The following CFAP96 variants were observed in gnomAD, a reference collection of about 807,000 sequenced individuals.
CFAP96 encodes the protein cilia and flagella associated protein 96.
the CFAP96 span, among the ~76,000 whole-genome samples, chr4:185,421,574 T>C: frequency 6.6e-6 from 1 of 152,290 alleles, no homozygotes; most frequent in Non-Finnish European, 1.5e-5. Flanking sequence ...CTCCTTTGCC[T>C]TCCACCATGA....
chr4:185,418,793 GAAGTT>G, the CFAP96 span: 10 of 1,551,314 alleles, frequency 6.4e-6, no homozygotes, highest in South Asian at 7.5e-5. Flanking sequence ...AATATAAATA[GAAGTT>G]AAGAAAAACA....
chr4:185,446,933 A>C, the CFAP96 span, among the ~76,000 whole-genome samples: 1 of 152,130 alleles, frequency 6.6e-6, no homozygotes, highest in South Asian at 2.1e-4. Flanking sequence ...ATTTTCATGC[A>C]TCTTTTTTTT....
chr4:185,425,092 G>C, the CFAP96 span, among the ~76,000 whole-genome samples: 1 of 152,214 alleles, frequency 6.6e-6, no homozygotes, highest in African/African-American at 2.4e-5. Flanking sequence ...TGGCGACAGT[G>C]ACAACAGACA....
At chr4:185,408,995 AT>A in the CFAP96 span, among the ~76,000 whole-genome samples, 1 of 152,190 alleles carries the variant, frequency 6.6e-6, no homozygotes, top group Non-Finnish European at 1.5e-5. Context: ...CATTTAAAAA[AT>A]ATCTGCCTAC....
chr4:185,449,522 TAAA>T, the CFAP96 span: 12 of 826,982 alleles, frequency 1.5e-5, no homozygotes, highest in South Asian at 5.5e-5. Context: ...GACCCGGTCT[TAAA>T]AAAAAAAAAG....
At chr4:185,428,910 A>G in the CFAP96 span, among the ~76,000 whole-genome samples, 1 of 152,224 alleles carries the variant, frequency 6.6e-6, no homozygotes, top group Non-Finnish European at 1.5e-5. Flanking sequence ...TATTTTCAAC[A>G]TAAGGGACAA....
At chr4:185,422,496 G>A in the CFAP96 span, 1 of 1,611,116 alleles carries the variant, frequency 6.2e-7, no homozygotes. Flanking sequence ...ATTAGGAGTA[G>A]CTAGCTGAAA....
At chr4:185,435,234 C>T in the CFAP96 span, among the ~76,000 whole-genome samples, 1 of 152,162 alleles carries the variant, frequency 6.6e-6, no homozygotes, top group Non-Finnish European at 1.5e-5. Flanking sequence ...ATATGCTTTC[C>T]TACCATTTGT....
the CFAP96 span, among the ~76,000 whole-genome samples, chr4:185,436,743 A>AATAATAATAATT: frequency 6.7e-6 from 1 of 148,662 alleles, no homozygotes; most frequent in Non-Finnish European, 1.5e-5. Context: ...TAATAATAAT[A>AATAATAATAATT]ATTCACTTGA....
chr4:185,436,010 C>T, the CFAP96 span: 8 of 1,459,932 alleles, frequency 5.5e-6, no homozygotes, highest in East Asian at 5.1e-5. Flanking sequence ...CCATTTTAAC[C>T]TCCTTCTTTT....
At chr4:185,422,727 C>CTTTAA in the CFAP96 span, among the ~76,000 whole-genome samples, 1 of 152,168 alleles carries the variant, frequency 6.6e-6, no homozygotes, top group Non-Finnish European at 1.5e-5. Context: ...AAAACAAAAG[C>CTTTAA]AACCCCAAAA....
At chr4:185,424,317 A>G in the CFAP96 span, among the ~76,000 whole-genome samples, 1 of 152,126 alleles carries the variant, frequency 6.6e-6, no homozygotes, top group Non-Finnish European at 1.5e-5. Context: ...AAAAAACAAA[A>G]TAAAATAAAA....
chr4:185,436,932 C>G, the CFAP96 span, among the ~76,000 whole-genome samples: 1 of 152,100 alleles, frequency 6.6e-6, no homozygotes, highest in Non-Finnish European at 1.5e-5. Context: ...TTTTACATCT[C>G]TGTAAACTAG....
the CFAP96 span, among the ~76,000 whole-genome samples, chr4:185,439,419 T>C: frequency 6.6e-6 from 1 of 152,190 alleles, no homozygotes; most frequent in Non-Finnish European, 1.5e-5. Context: ...CTGAAAGTGC[T>C]ACAGCAGGTT....
the CFAP96 span, chr4:185,422,379 C>A: frequency 1.2e-6 from 1 of 824,592 alleles, no homozygotes; most frequent in Non-Finnish European, 2.0e-6. Flanking sequence ...ACAATATAAT[C>A]TTAGTTCATC....
the CFAP96 span, chr4:185,440,403 A>G: frequency 1.7e-6 from 1 of 574,098 alleles, no homozygotes; most frequent in Non-Finnish European, 3.0e-6. Context: ...AACATAGTAA[A>G]TTAATGTTTT....
chr4:185,421,609 G>A, the CFAP96 span, among the ~76,000 whole-genome samples: 1 of 152,192 alleles, frequency 6.6e-6, no homozygotes, highest in Non-Finnish European at 1.5e-5. Context: ...AGCCTCACCA[G>A]CAGCAGATGC....
chr4:185,429,169 A>C, the CFAP96 span, among the ~76,000 whole-genome samples: 1 of 152,230 alleles, frequency 6.6e-6, no homozygotes, highest in Admixed American at 6.5e-5. Flanking sequence ...TTTGAATCCC[A>C]GTATTCTCCC....
the CFAP96 span, among the ~76,000 whole-genome samples, chr4:185,412,586 T>C: frequency 2.6e-5 from 4 of 152,152 alleles, no homozygotes; most frequent in African/African-American, 7.2e-5. Context: ...GGAAATGCAG[T>C]TGGAATGAGG....
Sources: allele counts gnomAD v4.1 joint callset (sites outside exome capture counted in the v4.1 genomes callset), GRCh38; gene constraint gnomAD v4.1.1; transcripts MANE v1.5; gene names NCBI Gene and HGNC (gene_info 2026-07-23, HGNC 2026-07-21).